Variants in TCF20 observed in about 807,000 individuals in gnomAD.
TCF20 encodes the protein transcription factor 20, also known as SPRE-binding protein.
Under a neutral mutation model 148.6 loss-of-function variants are expected in TCF20, and 3 were observed. The ratio of observed to expected loss-of-function variants is 0.02; its 90% CI spans 0.01 to 0.05. The LOEUF is 0.05. Among genes scored for constraint, TCF20 ranks in the 10% least tolerant of loss-of-function variants. TCF20 has a pLI of 1.00. For missense variants in TCF20, 2,350 were observed against 2,429.3 expected (o/e 0.97, Z 0.69); for synonymous variants, 1,049 against 909.5 (o/e 1.15, Z -2.76).
At chr22:42,235,032 C>T (rs1281139677) in intron 1 of TCF20, among the ~76,000 whole-genome samples, 3 of 151,636 alleles carry the variant, frequency 2.0e-5, no homozygotes, top group African/African-American at 7.3e-5. Context: ...GTCCCACATA[C>T]TCGGGAGGCT....
At chr22:42,203,010 T>G (rs1748872075) in intron 2 of TCF20, among the ~76,000 whole-genome samples, 1 of 152,248 alleles carries the variant, frequency 6.6e-6, no homozygotes, top group Non-Finnish European at 1.5e-5. Context: ...TACATACTAT[T>G]TGCTGTTAGC....
chr22:42,286,659 CTG>C (rs557381852), upstream of TCF20, among the ~76,000 whole-genome samples: 3 of 152,328 alleles, frequency 2.0e-5, no homozygotes, highest in South Asian at 6.2e-4. Context: ...GAGAGATGTG[CTG>C]TGGCAGTGGG....
intron 1 of TCF20, among the ~76,000 whole-genome samples, chr22:42,308,992 C>A (rs912936062): frequency 6.6e-6 from 1 of 152,138 alleles, no homozygotes; most frequent in Non-Finnish European, 1.5e-5. Context: ...CAGAGGGGCA[C>A]TGAACACCCA....
intron 1 of TCF20, chr22:42,343,329 C>A (rs975568360): frequency 6.6e-6 from 1 of 152,170 alleles, no homozygotes; most frequent in Non-Finnish European, 1.5e-5. Context: ...AGCCTTTGAG[C>A]CTCACACCCC....
intron 1 of TCF20, among the ~76,000 whole-genome samples, chr22:42,300,023 G>A (rs560358164): frequency 5.3e-5 from 8 of 152,032 alleles, no homozygotes; most frequent in Admixed American, 1.3e-4. Flanking sequence ...TTCCCCAGCC[G>A]CAAAGCAGTC....
chr22:42,197,642 A>G, intron 2 of TCF20, among the ~76,000 whole-genome samples: 1 of 152,176 alleles, frequency 6.6e-6, no homozygotes, highest in Admixed American at 6.5e-5. Flanking sequence ...ACTTTTTAAG[A>G]GCTCTACTAA....
At position 42,213,757 on chromosome 22, in the gene TCF20, C is replaced by G. The variant is rs1442526288; in HGVS notation, c.1549G>C (p.Glu517Gln). The G allele has an allele frequency of 6.2e-7, 1 of 1,614,168 alleles. No homozygotes were observed. The highest frequency in any genetic ancestry group is 1.1e-5 in the South Asian group (1 of 91,076). ...CTGGAGCAGCCTCCATCTAATGACT[C>G]TGCCATAGGGGACTTCAGCTGTTCT... ...PEEQLKSPMAESLDGGCSSSS... is the reference protein window; with the variant it reads ...PEEQLKSPMAQSLDGGCSSSS... The change falls in exon 2 of 6, where the codon GAG (glutamate) becomes CAG (glutamine). Residue 517 changes from glutamate to glutamine, a missense_variant. Glu to Gln is a conservative substitution (Grantham distance 29). Around this residue, in one of 7 missense-constraint regions of TCF20, gnomAD observed 1,641 missense variants for 1,662.6 expected, o/e 0.99. Coordinates refer to ENST00000677622, the MANE Select transcript of TCF20 (RefSeq NM_001378418.1).
Position 42,270,557 on chromosome 22 carries a change from G to T in TCF20, c.-255C>A, listed in dbSNP as rs1335029678. Among the ~76,000 whole-genome samples, 2 of 144,986 alleles carry T rather than the reference G, an allele frequency of 1.4e-5. No homozygotes were observed. The highest frequency in any genetic ancestry group is 4.1e-4 in the East Asian group (2 of 4,924). The stretch of plus-strand genomic sequence containing the variant: ...TCCCCGGTCAGGCGCGCCTCAGGGC[G>T]GGCTCCCCTGGCGGAGGCCGCGGCC... On this transcript the variant is annotated 5_prime_UTR_variant, in exon 1 of 6. Transcript: ENST00000677622.
At chr22:42,236,498 C>G (rs1433514583) in intron 1 of TCF20, among the ~76,000 whole-genome samples, 1 of 152,306 alleles carries the variant, frequency 6.6e-6, no homozygotes, top group East Asian at 1.9e-4. Context: ...AATCCCCACC[C>G]TCCCCACAGA....
chr22:42,312,861 G>A (rs1927560689), intron 1 of TCF20, among the ~76,000 whole-genome samples: 1 of 152,172 alleles, frequency 6.6e-6, no homozygotes, highest in Non-Finnish European at 1.5e-5. Context: ...CTAGTGCCCT[G>A]CATGCCCAAT....
intron 5 of TCF20, among the ~76,000 whole-genome samples, chr22:42,167,721 G>GA (rs1421178245): frequency 6.6e-6 from 1 of 151,802 alleles, no homozygotes; most frequent in African/African-American, 2.4e-5. Flanking sequence ...TCAATCACAA[G>GA]AATTTTTTTT....
intron 1 of TCF20, among the ~76,000 whole-genome samples, chr22:42,324,851 C>T (rs1927845362): frequency 6.6e-6 from 1 of 152,240 alleles, no homozygotes; most frequent in African/African-American, 2.4e-5. Flanking sequence ...CTCCATCTTG[C>T]AGGTGAGGAC....
intron 1 of TCF20, among the ~76,000 whole-genome samples, chr22:42,249,542 T>C (rs1925194539): frequency 6.6e-6 from 1 of 152,194 alleles, no homozygotes; most frequent in South Asian, 2.1e-4. Context: ...TGGCGAAAGA[T>C]AAAAGTTTAA....
At chr22:42,272,546 T>G (rs1926663704), upstream of TCF20, among the ~76,000 whole-genome samples, 1 of 152,174 alleles carries the variant, frequency 6.6e-6, no homozygotes, top group African/African-American at 2.4e-5. Context: ...AGGGAAAGAA[T>G]AAAGAATGCA....
At chr22:42,189,636 G>A (rs1937227210) in intron 2 of TCF20, among the ~76,000 whole-genome samples, 1 of 152,218 alleles carries the variant, frequency 6.6e-6, no homozygotes. Flanking sequence ...ACGAGGAAGA[G>A]ACTAGGCTTT....
At position 42,213,582 on chromosome 22, in the gene TCF20, G is replaced by A. The variant is rs751106277; in HGVS notation, c.1724C>T (p.Pro575Leu). The change falls in exon 2 of 6, where the codon CCT (proline) becomes CTT (leucine). Residue 575 changes from proline to leucine, a missense_variant. Around this residue, in one of 7 missense-constraint regions of TCF20, gnomAD observed 1,641 missense variants for 1,662.6 expected, o/e 0.99. Transcript: ENST00000677622. ...TGAGGTGGCCTCTTCTCTTGCGGCA[G>A]GACTAGCATTGAGTCTGGGGGGTTC... ...QNEPPRLNAS[P>L]AAREEATSPG... is the part of the protein sequence containing the mutation. 4 of 1,614,038 alleles carry A rather than the reference G, an allele frequency of 2.5e-6. No individual in the cohort carries two copies. Among genetic ancestry groups the A allele is most frequent in the East Asian group, 4.5e-5 (2 of 44,892 alleles).
intron 1 of TCF20, among the ~76,000 whole-genome samples, chr22:42,320,999 T>G (rs1601705713): frequency 6.6e-6 from 1 of 152,118 alleles, no homozygotes; most frequent in East Asian, 1.9e-4. Context: ...CCCAGGAAAC[T>G]GCAAAAAATG....
At chr22:42,271,078 G>C (rs888099978), upstream of TCF20, among the ~76,000 whole-genome samples, 1 of 152,132 alleles carries the variant, frequency 6.6e-6, no homozygotes, top group African/African-American at 2.4e-5. Context: ...GCGAGGACCC[G>C]GTCTCCTCTC....
At chr22:42,281,744 G>C (rs967195217) in intron 1 of TCF20, among the ~76,000 whole-genome samples, 1 of 152,210 alleles carries the variant, frequency 6.6e-6, no homozygotes. Flanking sequence ...CCATCACACC[G>C]TCTAGGACAT....
Sources: allele counts gnomAD v4.1 joint callset (sites outside exome capture counted in the v4.1 genomes callset), GRCh38; gene constraint gnomAD v4.1.1; regional missense constraint gnomAD v4.1.1; transcripts MANE v1.5; gene names NCBI Gene and HGNC (gene_info 2026-07-23, HGNC 2026-07-21).